CORO1B: variants seen among roughly 807,000 people sequenced by gnomAD.
The protein encoded by CORO1B is coronin 1B, also known as coronin-1B.
In CORO1B, 30 loss-of-function variants were observed where a neutral mutation model predicts 51.1. The ratio of observed to expected loss-of-function variants is 0.59; its 90% CI spans 0.44 to 0.80. CORO1B has a LOEUF of 0.80. CORO1B is among the 30% of genes least tolerant of loss of function. The pLI is 0.00. For missense variants in CORO1B, 648 were observed against 700.4 expected (o/e 0.93, Z 0.84); for synonymous variants, 310 against 289.7 (o/e 1.07, Z -0.71).
chr11:67,443,558 C>A, upstream of CORO1B: 2 of 731,620 alleles, frequency 2.7e-6, no homozygotes, highest in Non-Finnish European at 1.7e-6. Context: ...AGGTCACGCG[C>A]GGAGGGGCTG....
rs1565154216 is a variant in CORO1B, at chr11:67,442,412, C to A, written c.201+16G>T. 1.2e-6 allele frequency: 2 copies of A among 1,611,836 alleles called. No homozygotes were observed. The highest frequency in any genetic ancestry group is 1.7e-6 in the Non-Finnish European group (2 of 1,179,276). ...GCCGAGGTGCCTCCTCTTCCCCCAA[C>A]CCTGACAGGACCCACCTTGCTTAGG... On this transcript the variant is annotated intron_variant, in intron 2 of 10. Transcript: ENST00000341356.
In CORO1B at chr11:67,437,519, G is replaced by T; in HGVS notation, c.*857C>A. ...TCTTAGGTCTCACCTCTTCCCTGGG[G>T]CCAATGTGGGGCCCTCCTTAGCTCC... On this transcript the variant is annotated 3_prime_UTR_variant, in exon 11 of 11. Transcript: ENST00000341356. 7.8e-7 allele frequency: 1 copy of T among 1,274,772 alleles called. No homozygotes were observed. The highest frequency in any genetic ancestry group is 1.0e-6 in the Non-Finnish European group (1 of 985,688). The allele number at this position is 1,274,772 out of a possible 1,614,324, so 79.0% of individuals were successfully genotyped here.
At chr11:67,441,905 C>A (rs1255053146) in intron 3 of CORO1B, 43 bp from the exon 4 acceptor site, 2 of 1,613,002 alleles carry the variant, frequency 1.2e-6, no homozygotes, top group Admixed American at 3.3e-5. Context: ...CTCTGCTGGT[C>A]CTATTGCTGG....
intron 5 of CORO1B, 27 bp from the exon 6 acceptor site, chr11:67,441,271 C>T: frequency 6.2e-7 from 1 of 1,612,608 alleles, no homozygotes; most frequent in Non-Finnish European, 8.5e-7. Flanking sequence ...CTGGTCAGTG[C>T]AGCGCCCTGC....
At chr11:67,438,548 T>C (rs769999537) in intron 10 of CORO1B, 47 bp from the exon 11 acceptor site, 40 of 1,576,632 alleles carry the variant, frequency 2.5e-5, no homozygotes, top group Non-Finnish European at 3.3e-5. Flanking sequence ...CAGGGGCTGC[T>C]AAGCCATAGC....
chr11:67,443,584 G>A (rs1864439519), upstream of CORO1B: 8 of 696,800 alleles, frequency 1.1e-5, no homozygotes, highest in Non-Finnish European at 1.4e-5. Flanking sequence ...GAGGCTGAGC[G>A]GCGCCGGGGG....
rs777178786 is a variant in CORO1B, at chr11:67,440,250, A to G, written c.875T>C (p.Ile292Thr). ...VYVCGKGDSS[I>T]RYFEITEEPP... ...CTCCTCTGTGATCTCAAAGTACCGGATGCTGGAGTCACCCTGTGTGGGGAG... is the reference window on the plus strand; with the variant it reads ...CTCCTCTGTGATCTCAAAGTACCGGGTGCTGGAGTCACCCTGTGTGGGGAG... Residue 292 changes from isoleucine (I) to threonine (T), a missense_variant, in exon 8 of 11, where the codon ATC becomes ACC. Coordinates refer to ENST00000341356, the MANE Select transcript of CORO1B (RefSeq NM_020441.3). The G allele has an allele frequency of 1.2e-6, 2 of 1,613,632 alleles. No individual in the cohort carries two copies. The highest frequency in any genetic ancestry group is 1.7e-5 in the Admixed American group (1 of 59,998).
chr11:67,440,803 TGGA>T lies in CORO1B; in HGVS notation c.756+319_756+321del, dbSNP rs1417978817. The T allele has an allele frequency of 7.7e-6, 5 of 647,934 alleles. No individual in the cohort carries two copies. In the East Asian group the frequency reaches 1.2e-4, roughly 16 times the overall value. The allele number at this position is 647,934 out of a possible 1,614,324, so 40.1% of individuals were successfully genotyped here. A position where few individuals can be genotyped will look rare whatever the true frequency, so the allele number is the denominator to read the frequency against. The stretch of plus-strand genomic sequence containing the variant: ...AGAGGGCTGGGGCCAGGAGGCTTGC[TGGA>T]GGAGGAGGCTTTCTGGAGGAGCGGG... On this transcript the variant is annotated intron_variant, in intron 6 of 10. Coordinates refer to ENST00000341356, the MANE Select transcript of CORO1B (RefSeq NM_020441.3).
chr11:67,443,201 G>C (rs928517388), intron 1 of CORO1B, among the ~76,000 whole-genome samples: 1 of 152,204 alleles, frequency 6.6e-6, no homozygotes, highest in African/African-American at 2.4e-5. Context: ...TCGGGGTCCA[G>C]GGTGAACCAG....
At chr11:67,438,632 C>T (rs1182246009) in intron 10 of CORO1B, 39 bp downstream of exon 10, 5 of 1,514,248 alleles carry the variant, frequency 3.3e-6, no homozygotes, top group Admixed American at 4.0e-5. Flanking sequence ...AGGGCCACAC[C>T]TGGGGCTCCC....
At position 67,442,567 on chromosome 11, in the gene CORO1B, T is replaced by G; in HGVS notation, c.62A>C (p.Lys21Thr). 1 of 1,613,854 alleles carries G rather than the reference T, an allele frequency of 6.2e-7. No individual in the cohort carries two copies. The highest frequency in any genetic ancestry group is 1.1e-5 in the South Asian group (1 of 91,090). ...KFRHVFGQPV[K>T]NDQCYEDIRV... The stretch of plus-strand genomic sequence containing the variant: ...AATGTCCTCATAGCACTGGTCGTTC[T>G]TGACCGGCTGCCCGAACACATGCCG... The change falls in exon 2 of 11, where the codon AAG (lysine) becomes ACG (threonine). Residue 21 changes from lysine (K) to threonine (T), a missense_variant. Physicochemically the swap from Lys to Thr is moderately conservative, Grantham distance 78 (BLOSUM62 -1). Transcript: ENST00000341356.
chr11:67,438,955 C>T lies in CORO1B; in HGVS notation c.1066-6G>A. On this transcript the variant is annotated splice_region_variant and splice_polypyrimidine_tract_variant and intron_variant, in intron 9 of 10. Coordinates refer to ENST00000341356, the MANE Select transcript of CORO1B (RefSeq NM_020441.3). ...TCATCCTGGAAGAGGTCCGACTGGG[C>T]AGGGGGCCGGGGAGGTCAGGATCAG... 1 of 1,596,328 alleles carries T rather than the reference C, an allele frequency of 6.3e-7. No individual in the cohort carries two copies. Among genetic ancestry groups the T allele is most frequent in the Non-Finnish European group, 8.5e-7 (1 of 1,169,692 alleles).
chr11:67,441,503 CGTT>C lies in CORO1B; in HGVS notation c.463_465del (p.Asn155del), dbSNP rs1864393668. 3.1e-6 allele frequency: 5 copies of C among 1,611,872 alleles called. No homozygotes were observed. The African/African-American group carries it at 4.0e-5, about 13-fold the overall frequency. On this transcript the variant is annotated inframe_deletion, in exon 5 of 11. Transcript: ENST00000341356. ...GTGCCCACATTCCAGATGAGTACCA[CGTT>C]GTCGCAGCCTGGCAGGTGAGGGTTG... is the stretch of plus-strand genomic sequence containing the variant.
At position 67,435,797 on chromosome 11, in the gene CORO1B, C is replaced by T; in HGVS notation, c.*2579G>A. On this transcript the variant is annotated 3_prime_UTR_variant, in exon 11 of 11. Transcript: ENST00000341356. ...CCTGGCGCTGTCATCCCAGGCTGCGCTGCCAGCAAAGGCGTGCAGGTCACT... is the reference window on the plus strand; with the variant it reads ...CCTGGCGCTGTCATCCCAGGCTGCGTTGCCAGCAAAGGCGTGCAGGTCACT... 3 of 1,593,024 alleles carry T rather than the reference C, an allele frequency of 1.9e-6. No individual in the cohort carries two copies. The highest frequency in any genetic ancestry group is 1.7e-6 in the Non-Finnish European group (2 of 1,169,854).
chr11:67,441,291 TG>T (rs772972668), intron 5 of CORO1B, 41 bp downstream of exon 5: 1 of 1,612,912 alleles, frequency 6.2e-7, no homozygotes, highest in Non-Finnish European at 8.5e-7. Context: ...CTCAAGGTCC[TG>T]GGCCTATCCA....
chr11:67,440,942 G>T, intron 6 of CORO1B, 183 bp downstream of exon 6: 1 of 784,264 alleles, frequency 1.3e-6, no homozygotes, highest in Non-Finnish European at 2.1e-6. Context: ...CCATGGGGGA[G>T]TGGTGGGGCA....
At position 67,440,403 on chromosome 11, in the gene CORO1B, C is replaced by G. The variant is rs1323782403; in HGVS notation, c.793G>C (p.Asp265His). 1.9e-6 allele frequency: 3 copies of G among 1,613,932 alleles called. No homozygotes were observed. Among genetic ancestry groups the G allele is most frequent in the Non-Finnish European group, 1.7e-6 (2 of 1,180,000 alleles). The change falls in exon 7 of 11, where the codon GAC becomes CAC. Residue 265 changes from aspartate (D) to histidine (H), a missense_variant. Physicochemically the swap from Asp to His is moderately conservative, Grantham distance 81. Coordinates refer to ENST00000341356, the MANE Select transcript of CORO1B (RefSeq NM_020441.3). ...LEEPMALQEL[D>H]SSNGALLPFY... ...GGCAGCAGGGCCCCGTTGCTCGAGT[C>G]CAGTTCCTGCAGGGCCATGGGTTCC...
In CORO1B at chr11:67,442,713, G is replaced by A. The variant is rs1864423854; in HGVS notation, c.-2-83C>T. 4.2e-6 allele frequency: 6 copies of A among 1,426,940 alleles called. No homozygotes were observed. In the Admixed American group the frequency reaches 5.5e-5, roughly 13 times the overall value. 88.4% of individuals were successfully genotyped at this position (1,426,940 alleles called of 1,614,324 possible). A position where few individuals can be genotyped will look rare whatever the true frequency, so the allele number is the denominator to read the frequency against. ...CAGGCTGCTGAAGGTGAGCCGGGAG[G>A]ATGCAACCGGGGGCCAGGCCACCGT... On this transcript the variant is annotated intron_variant, in intron 1 of 10. Coordinates refer to ENST00000341356, the MANE Select transcript of CORO1B (RefSeq NM_020441.3).
rs772059059 is a variant in CORO1B, at chr11:67,441,275, GC to G, written c.637-32del. ...GGGGGGACAGGCTGGTCAGTGCAGCGCCCTGCTCAAGGTCCTGGGCCTATCC... is the reference window on the plus strand; with the variant it reads ...GGGGGGACAGGCTGGTCAGTGCAGCGCCTGCTCAAGGTCCTGGGCCTATCC... On this transcript the variant is annotated intron_variant, in intron 5 of 10. Transcript: ENST00000341356. The G allele has an allele frequency of 6.2e-6, 10 of 1,612,462 alleles. No individual in the cohort carries two copies. In the East Asian group the frequency reaches 1.8e-4, roughly 29 times the overall value.
Sources: allele counts gnomAD v4.1 joint callset (sites outside exome capture counted in the v4.1 genomes callset), GRCh38; gene constraint gnomAD v4.1.1; transcripts MANE v1.5; gene names NCBI Gene and HGNC (gene_info 2026-07-23, HGNC 2026-07-21).